Variants in MYH8 observed in about 807,000 individuals in gnomAD.
MYH8 encodes the protein myosin-8.
MYH8 carries 168 observed loss-of-function variants against 233.2 expected under a neutral mutation model. The ratio of observed to expected loss-of-function variants is 0.72; its 90% CI spans 0.64 to 0.82. The LOEUF (loss-of-function observed/expected upper bound fraction) is 0.82, where lower values mean the gene tolerates loss of function less well. Among genes scored for constraint, MYH8 ranks in the 40% least tolerant of loss-of-function variants. The probability of loss-of-function intolerance (pLI) is 0.00; values close to 1 mark genes in which losing one functional copy is unlikely to be tolerated. For synonymous variants in MYH8, 785 were observed against 850.6 expected, an observed-to-expected ratio of 0.92 and a Z score of 1.34; for missense variants, 1,995 against 2,327.8, an observed-to-expected ratio of 0.86 and a Z score of 2.94.
rs758846469 is a variant in MYH8 at position 10,398,829 on chromosome 17, C to A, written c.3920G>T (p.Ser1307Ile). 32 of 1,613,786 alleles carry A rather than the reference C, an allele frequency of 2.0e-5. No individual in the cohort carries two copies. The South Asian group carries it at 3.4e-4, about 17-fold the overall frequency. ...AATCTGCTGAGTAGATGCTTGCTTGCTCCTTGAAAGCTGAGAGACTAAAGC... is the reference window on the plus strand; with the variant it reads ...AATCTGCTGAGTAGATGCTTGCTTGATCCTTGAAAGCTGAGAGACTAAAGC... ...KDALVSQLSRSKQASTQQIEE... is the reference protein window; with the variant it reads ...KDALVSQLSRIKQASTQQIEE... Residue 1307 changes from serine to isoleucine, a missense_variant, in exon 29 of 40, where the codon AGC (serine) becomes ATC (isoleucine). Ser to Ile is a moderately radical substitution (Grantham distance 142). Coordinates refer to ENST00000403437, the MANE Select transcript of MYH8 (RefSeq NM_002472.3).
chr17:10,397,569 G>A (rs1396940850), intron 30 of MYH8, among the ~76,000 whole-genome samples: 2 of 152,160 alleles, frequency 1.3e-5, no homozygotes, highest in Admixed American at 6.5e-5. Flanking sequence ...CATTGTATGC[G>A]CCTTACTACC....
In MYH8 at chr17:10,395,043, G is replaced by GA. The variant is rs2072066268; in HGVS notation, c.4962+89dup. On this transcript the variant is annotated intron_variant, in intron 34 of 39. Coordinates refer to ENST00000403437, the MANE Select transcript of MYH8 (RefSeq NM_002472.3). Reference sequence around the variant, plus strand: ...CGGTCAGCTGTATAATTTGTTAAGAGAAAAAAAGGATCGTTTAACAAGGTG... The same window carrying GA: ...CGGTCAGCTGTATAATTTGTTAAGAGAAAAAAAAGGATCGTTTAACAAGGTG... 5 of 1,434,864 alleles carry GA rather than the reference G, an allele frequency of 3.5e-6. No homozygotes were observed. The East Asian group carries it at 9.1e-5, about 26-fold the overall frequency. The allele number at this position is 1,434,864 out of a possible 1,614,324, so 88.9% of individuals were successfully genotyped here.
At chr17:10,409,000 C>A in intron 17 of MYH8, 97 bp downstream of exon 17, 1 of 1,118,550 alleles carries the variant, frequency 8.9e-7, no homozygotes, top group South Asian at 1.3e-5. Context: ...GAAGTGATTC[C>A]TATTAACATT....
intron 5 of MYH8, among the ~76,000 whole-genome samples, chr17:10,418,137 T>C (rs2072304069): frequency 6.6e-6 from 1 of 152,216 alleles, no homozygotes; most frequent in African/African-American, 2.4e-5. Flanking sequence ...CTTCAAATCT[T>C]TGGGAGGAAA....
rs372307102 is a variant in MYH8 at position 10,390,464 on chromosome 17, C to T, written c.5804G>A (p.Ser1935Asn). Reference protein sequence around the residue: ...VKSREVHTKISAE With the variant: ...VKSREVHTKINAE Reference sequence around the variant, plus strand: ...ATCAGGCAGGTGTGTTTACTCTGCACTGATTTTTGTGTGAACCTCTCGGCT... The same window carrying T: ...ATCAGGCAGGTGTGTTTACTCTGCATTGATTTTTGTGTGAACCTCTCGGCT... Residue 1935 changes from serine (S) to asparagine (N), a missense_variant, in exon 40 of 40, where the codon AGT (serine) becomes AAT (asparagine). Transcript: ENST00000403437. The T allele has an allele frequency of 3.7e-6, 6 of 1,613,516 alleles. No homozygotes were observed. The highest frequency in any genetic ancestry group is 5.1e-6 in the Non-Finnish European group (6 of 1,180,044).
chr17:10,399,655 C>G lies in MYH8; in HGVS notation c.3750G>C (p.Lys1250Asn), dbSNP rs772023579. The G allele has an allele frequency of 1.2e-6, 2 of 1,613,998 alleles. No homozygotes were observed. Among genetic ancestry groups the G allele is most frequent in the South Asian group, 1.1e-5 (1 of 91,078 alleles). ...CTTGATCTTCTAGAGAGCGGCACAT[C>G]TTTTCAAGGTTTCCCTACAGGATAT... is the stretch of plus-strand genomic sequence containing the variant. ...AISKAKGNLE[K>N]MCRSLEDQVS... Residue 1250 changes from lysine (K) to asparagine (N), a missense_variant, in exon 28 of 40, where the codon AAG (lysine) becomes AAC (asparagine). Transcript: ENST00000403437.
Position 10,419,013 on chromosome 17 carries a change from T to C in MYH8, c.228A>G (p.Glu76=). The C allele has an allele frequency of 1.2e-6, 2 of 1,614,206 alleles. No individual in the cohort carries two copies. Among genetic ancestry groups the C allele is most frequent in the Non-Finnish European group, 8.5e-7 (1 of 1,180,034 alleles). ...GAGGGTTCATAGGGAAGACTTGGTC[T>C]TCCCTGACAGTTAGAGTCTGGTGAG... is the stretch of plus-strand genomic sequence containing the variant. ...TEGGATLTVR[E]DQVFPMNPPK... The change falls in exon 4 of 40, where the codon GAA becomes GAG. Residue 76 remains glutamate, a synonymous_variant. Transcript: ENST00000403437. This position sits in a 1 kb window ranked among gnomAD's most constrained non-coding sequence, Gnocchi z 4.0.
In MYH8 at chr17:10,391,975, A is replaced by C. The variant is rs750448620; in HGVS notation, c.5571T>G (p.Thr1857=). ...TGAGAACATTCTTGCGATCTTCTTC[A>C]GTCTGAAAGTTTGAAAAAAATAATC... ...ERRVKELTYQ[T]EEDRKNVLRL... The change falls in exon 39 of 40, where the codon ACT becomes ACG. Residue 1857 remains threonine, a splice_region_variant and synonymous_variant. Coordinates refer to ENST00000403437, the MANE Select transcript of MYH8 (RefSeq NM_002472.3). The C allele has an allele frequency of 1.9e-6, 3 of 1,613,642 alleles. No homozygotes were observed. The highest frequency in any genetic ancestry group is 1.7e-6 in the Non-Finnish European group (2 of 1,179,544).
rs1019960512 is a variant in MYH8, at chr17:10,419,450, T to G, written c.211-420A>C. Among the ~76,000 whole-genome samples the G allele has an allele frequency of 6.6e-6, 1 of 152,228 alleles. No individual in the cohort carries two copies. Among genetic ancestry groups the G allele is most frequent in the African/African-American group, 2.4e-5 (1 of 41,466 alleles). On this transcript the variant is annotated intron_variant, in intron 3 of 39. Transcript: ENST00000403437. The surrounding 1 kb of genome is among the most constrained non-coding windows in gnomAD (Gnocchi z 4.0). ...TAATCACACATACTTCTCATTATAT[T>G]ATTTAATGTCCTCTTAAAAAAGGCA...
chr17:10,399,732 T>G, intron 27 of MYH8, 63 bp from the exon 28 acceptor site: 1 of 1,601,586 alleles, frequency 6.2e-7, no homozygotes, highest in South Asian at 1.1e-5. Context: ...AAAACTTGAT[T>G]CTTAAAATAT....
chr17:10,412,319 A>G, intron 14 of MYH8, 51 bp downstream of exon 14: 1 of 1,613,964 alleles, frequency 6.2e-7, no homozygotes, highest in Non-Finnish European at 8.5e-7. Context: ...AATACCTAAT[A>G]TATCAAAGCC....
chr17:10,409,329 G>A lies in MYH8; in HGVS notation c.1847C>T (p.Ala616Val), dbSNP rs563022622. 6.2e-7 allele frequency: 1 copy of A among 1,614,228 alleles called. No individual in the cohort carries two copies. Among genetic ancestry groups the A allele is most frequent in the South Asian group, 1.1e-5 (1 of 91,076 alleles). Residue 616 changes from alanine to valine, a missense_variant, in exon 16 of 40, where the codon GCA becomes GTA. This residue lies in a region of MYH8 where 1,498 missense variants were observed against 1,680.9 expected (regional missense o/e 0.89). Transcript: ENST00000403437. Reference protein sequence around the residue: ...DTVVGLYQKSAMKTLASLFST... With the variant: ...DTVVGLYQKSVMKTLASLFST... ...AAAGAGACTGGCTAGAGTCTTCATT[G>A]CAGACTTCTGGTACAGCCCAACCAC...
chr17:10,420,769 T>C (rs1458182107), intron 2 of MYH8, among the ~76,000 whole-genome samples: 1 of 152,252 alleles, frequency 6.6e-6, no homozygotes, highest in African/African-American at 2.4e-5. Context: ...TATGTTGATA[T>C]TTGGTGTTGT....
rs1400481763 is a variant in MYH8 at position 10,400,307 on chromosome 17, ATGCC to A, written c.3735+79_3735+82del. The A allele has an allele frequency of 6.5e-7, 1 of 1,537,072 alleles. No individual in the cohort carries two copies. The highest frequency in any genetic ancestry group is 8.9e-7 in the Non-Finnish European group (1 of 1,121,070). On this transcript the variant is annotated intron_variant, in intron 27 of 39. Transcript: ENST00000403437. The surrounding 1 kb of genome is among the most constrained non-coding windows in gnomAD (Gnocchi z 4.0). Reference sequence around the variant, plus strand: ...GAAAATATTTGAGTAGTGCTGTAAAATGCCTGCAAACAATGTTTAGTGATAGAGA... The same window carrying A: ...GAAAATATTTGAGTAGTGCTGTAAAATGCAAACAATGTTTAGTGATAGAGA...
intron 38 of MYH8, 96 bp from the exon 39 acceptor site, chr17:10,392,073 C>T (rs2072031117): frequency 5.2e-6 from 5 of 961,276 alleles, no homozygotes; most frequent in Non-Finnish European, 8.4e-6. Flanking sequence ...GCAGGTGGGC[C>T]TGGGGTAAAC....
In MYH8 at chr17:10,392,607, G is replaced by T; in HGVS notation, c.5503C>A (p.Arg1835Ser). Residue 1835 changes from arginine to serine, a missense_variant, in exon 38 of 40, where the codon CGT becomes AGT. Arg to Ser is a moderately radical substitution (Grantham distance 110). Coordinates refer to ENST00000403437, the MANE Select transcript of MYH8 (RefSeq NM_002472.3). ...LEGEVENEQKRNAEAVKGLRK... is the reference protein window; with the variant it reads ...LEGEVENEQKSNAEAVKGLRK... ...AAACCTTTAACAGCCTCTGCATTAC[G>T]TTTCTGTTCATTTTCAACCTCTCCT... is the stretch of plus-strand genomic sequence containing the variant. 6.2e-7 allele frequency: 1 copy of T among 1,614,036 alleles called. No homozygotes were observed. Among genetic ancestry groups the T allele is most frequent in the Non-Finnish European group, 8.5e-7 (1 of 1,180,018 alleles).
Position 10,406,732 on chromosome 17 carries a change from T to G in MYH8, c.2129A>C (p.Lys710Thr). The G allele has an allele frequency of 1.2e-6, 2 of 1,614,178 alleles. No homozygotes were observed. Among genetic ancestry groups the G allele is most frequent in the Non-Finnish European group, 1.7e-6 (2 of 1,180,020 alleles). The change falls in exon 19 of 40, where the codon AAA becomes ACA. Residue 710 changes from lysine to threonine, a missense_variant. By Grantham distance (78) the Lys-to-Thr change is moderately conservative. Transcript: ENST00000403437. ...GVLEGIRICR[K>T]GFPSRILYGD... is the part of the protein sequence containing the mutation. ...ATATAAGATTCTGCTTGGGAATCCT[T>G]TCCTACAGATGCGGATGCCTTCCAG...
rs1225353367 is a variant in MYH8 at position 10,409,292 on chromosome 17, A to G, written c.1884T>C (p.Ala628=). The G allele has an allele frequency of 6.2e-6, 10 of 1,614,256 alleles. No individual in the cohort carries two copies. Among genetic ancestry groups the G allele is most frequent in the Non-Finnish European group, 8.5e-6 (10 of 1,180,050 alleles). The change falls in exon 16 of 40, where the codon GCT becomes GCC. Residue 628 remains alanine, a synonymous_variant. Transcript: ENST00000403437. ...CACAGAAAGTACCTGCTTCAGCACT[A>G]GCATACGTGGAAAAGAGACTGGCTA... ...KTLASLFSTY[A]SAEADSSAKK...
In MYH8 at chr17:10,419,542, T is replaced by C. The variant is rs1294093744; in HGVS notation, c.210+476A>G. On this transcript the variant is annotated intron_variant, in intron 3 of 39. Transcript: ENST00000403437. This position sits in a 1 kb window ranked among gnomAD's most constrained non-coding sequence, Gnocchi z 4.0. ...TTTCCTATGATGAGCTAGGACACTA[T>C]CTTTTTAAAAGATTTTTTCCTCCCA... is the stretch of plus-strand genomic sequence containing the variant. Among the ~76,000 whole-genome samples the C allele has an allele frequency of 6.6e-6, 1 of 152,230 alleles. No individual in the cohort carries two copies. The highest frequency in any genetic ancestry group is 1.5e-5 in the Non-Finnish European group (1 of 68,046).
Sources: allele counts gnomAD v4.1 joint callset (sites outside exome capture counted in the v4.1 genomes callset), GRCh38; gene constraint gnomAD v4.1.1; regional missense constraint gnomAD v4.1.1; non-coding constraint Gnocchi (gnomAD v3.1); transcripts MANE v1.5; gene names NCBI Gene and HGNC (gene_info 2026-07-23, HGNC 2026-07-21).